Variants in MACROD2 observed in about 807,000 individuals in gnomAD.
MACROD2 encodes the protein mono-ADP ribosylhydrolase 2.
A neutral mutation model predicts 70.4 loss-of-function variants in MACROD2; 36 were observed. That is an observed-to-expected ratio of 0.51 (90% CI 0.39 to 0.68). The LOEUF (loss-of-function observed/expected upper bound fraction) is 0.68. Ranked by LOEUF, MACROD2 falls within the 30% of genes least tolerant of loss-of-function variation. The probability of loss-of-function intolerance (pLI) is 0.00; values close to 1 mark genes in which losing one functional copy is unlikely to be tolerated. For synonymous variants in MACROD2, 172 were observed against 178.8 expected, an observed-to-expected ratio of 0.96 and a Z score of 0.30; for missense variants, 496 against 538.4, an observed-to-expected ratio of 0.92 and a Z score of 0.78.
chr20:14,325,635 T>G, intron 3 of MACROD2: 1 of 1,613,764 alleles, frequency 6.2e-7, no homozygotes, highest in East Asian at 2.2e-5. Context: ...TGTGATTGTT[T>G]TTGTACAGAT....
At chr20:15,323,638 T>G (rs1166081167) in intron 6 of MACROD2, among the ~76,000 whole-genome samples, 1 of 152,212 alleles carries the variant, frequency 6.6e-6, no homozygotes, top group African/African-American at 2.4e-5. Flanking sequence ...TTAGCTTTTC[T>G]TTTCCCACAC....
chr20:15,408,678 G>T (rs1287239221), intron 6 of MACROD2, among the ~76,000 whole-genome samples: 1 of 152,166 alleles, frequency 6.6e-6, no homozygotes, highest in Admixed American at 6.6e-5. Context: ...TCCAGAGAGG[G>T]CATCTTTCAG....
intron 3 of MACROD2, among the ~76,000 whole-genome samples, chr20:14,193,386 A>G (rs2081403712): frequency 6.6e-6 from 1 of 152,230 alleles, no homozygotes; most frequent in Non-Finnish European, 1.5e-5. Context: ...GCCCAGCAAA[A>G]CAGTAGATGT....
chr20:14,051,675 A>G, intron 2 of MACROD2: 1 of 342,250 alleles, frequency 2.9e-6, no homozygotes, highest in South Asian at 2.3e-5. Context: ...AAATAAAATA[A>G]TGAATGGTAA....
chr20:15,206,721 G>GTTTTTTGTTTTTTTTTTTT (rs2076707269), intron 5 of MACROD2, among the ~76,000 whole-genome samples: 1 of 32,990 alleles, frequency 3.0e-5, no homozygotes, highest in Non-Finnish European at 5.1e-5. Context: ...TATTATCTAT[G>GTTTTTTGTTTTTTTTTTTT]TTTTTTTTTT....
At chr20:14,294,768 C>T (rs113548417) in intron 3 of MACROD2, among the ~76,000 whole-genome samples, 2,817 of 151,790 alleles carry the variant, frequency 0.019, 154 homozygotes, top group African/African-American at 0.064. Context: ...ATATGGAGCT[C>T]TTTTAAGTTG....
chr20:14,789,940 A>G (rs900458709), intron 5 of MACROD2, among the ~76,000 whole-genome samples: 1 of 152,170 alleles, frequency 6.6e-6, no homozygotes, highest in African/African-American at 2.4e-5. Context: ...TAGGAAAACC[A>G]TATAAAAATG....
At chr20:14,965,173 G>C (rs929056057) in intron 5 of MACROD2, among the ~76,000 whole-genome samples, 2 of 152,086 alleles carry the variant, frequency 1.3e-5, no homozygotes, top group Non-Finnish European at 2.9e-5. Context: ...TGTATGTGGT[G>C]ATTGTTAAGA....
chr20:15,432,249 C>T (rs1186546986), intron 7 of MACROD2, among the ~76,000 whole-genome samples: 1 of 152,036 alleles, frequency 6.6e-6, no homozygotes, highest in African/African-American at 2.4e-5. Flanking sequence ...TGAAGGACTA[C>T]CTAGATTGAT....
chr20:14,090,972 C>T (rs1432330955), intron 3 of MACROD2, among the ~76,000 whole-genome samples: 1 of 152,080 alleles, frequency 6.6e-6, no homozygotes, highest in African/African-American at 2.4e-5. Flanking sequence ...TTGTGGTTTC[C>T]ATTTGTGCTT....
intron 5 of MACROD2, among the ~76,000 whole-genome samples, chr20:15,111,449 G>C (rs1453232165): frequency 2.0e-5 from 3 of 151,770 alleles, no homozygotes; most frequent in Non-Finnish European, 4.4e-5. Context: ...GGATTACAGG[G>C]GTGAGCCACT....
chr20:15,308,589 G>A (rs2077721126), intron 6 of MACROD2, among the ~76,000 whole-genome samples: 1 of 152,118 alleles, frequency 6.6e-6, no homozygotes, highest in African/African-American at 2.4e-5. Flanking sequence ...ATTCACATTG[G>A]AATTTACACT....
At chr20:15,906,570 C>T (rs1601103425) in intron 10 of MACROD2, among the ~76,000 whole-genome samples, 1 of 152,110 alleles carries the variant, frequency 6.6e-6, no homozygotes, top group East Asian at 1.9e-4. Flanking sequence ...TTAAGTTTCA[C>T]CAGTTTTCCA....
At chr20:14,835,986 A>G (rs955143190) in intron 5 of MACROD2, among the ~76,000 whole-genome samples, 10 of 152,066 alleles carry the variant, frequency 6.6e-5, no homozygotes, top group Admixed American at 3.9e-4. Flanking sequence ...AGATTTTACC[A>G]CGTCCTTTTT....
At chr20:15,349,959 C>A (rs1947595335) in intron 6 of MACROD2, among the ~76,000 whole-genome samples, 3 of 152,104 alleles carry the variant, frequency 2.0e-5, no homozygotes, top group Non-Finnish European at 1.5e-5. Context: ...CCTCTTCCAT[C>A]CTGAAGCAGT....
At chr20:15,163,479 C>T (rs907701141) in intron 5 of MACROD2, among the ~76,000 whole-genome samples, 2 of 151,926 alleles carry the variant, frequency 1.3e-5, no homozygotes, top group Admixed American at 1.3e-4. Context: ...AAATCTAATA[C>T]AACAAATTAG....
chr20:14,717,371 G>T (rs999983126), intron 5 of MACROD2, among the ~76,000 whole-genome samples: 1 of 152,122 alleles, frequency 6.6e-6, no homozygotes, highest in African/African-American at 2.4e-5. Flanking sequence ...AATGTGGGTG[G>T]TAAGAGGAAA....
chr20:15,745,119 A>G (rs775988357), intron 8 of MACROD2, among the ~76,000 whole-genome samples: 15 of 152,216 alleles, frequency 9.9e-5, no homozygotes, highest in Non-Finnish European at 1.8e-4. Context: ...TACATATACT[A>G]CAGTTTATTC....
intron 8 of MACROD2, among the ~76,000 whole-genome samples, chr20:15,846,998 G>A (rs1047433883): frequency 2.4e-4 from 32 of 133,088 alleles, no homozygotes; most frequent in African/African-American, 8.6e-4. Context: ...TAGGAACTAG[G>A]TACATTTTAA....
Sources: allele counts gnomAD v4.1 joint callset (sites outside exome capture counted in the v4.1 genomes callset), GRCh38; gene constraint gnomAD v4.1.1; transcripts MANE v1.5; gene names NCBI Gene and HGNC (gene_info 2026-07-23, HGNC 2026-07-21).